The following AMBRA1 variants were observed in gnomAD, a reference collection of about 807,000 sequenced individuals.
AMBRA1 encodes the protein autophagy and beclin 1 regulator 1.
AMBRA1 carries 47 observed loss-of-function variants against 125.4 expected under a neutral mutation model. The observed-to-expected ratio is 0.37, with a 90% CI of 0.30 to 0.48. The LOEUF is 0.48. AMBRA1 is among the 20% of genes least tolerant of loss of function. The pLI is 0.99. For missense variants in AMBRA1, 1,331 were observed against 1,693.4 expected, an observed-to-expected ratio of 0.79 and a Z score of 3.76; for synonymous variants, 626 against 655.5, an observed-to-expected ratio of 0.95 and a Z score of 0.69.
At chr11:46,530,804 T>G (rs932152919) in intron 7 of AMBRA1, among the ~76,000 whole-genome samples, 3 of 152,260 alleles carry the variant, frequency 2.0e-5, no homozygotes, top group Non-Finnish European at 4.4e-5. Context: ...AAAGCATTTT[T>G]ATGACTCGTG....
At chr11:46,494,448 A>G (rs1436383032) in intron 9 of AMBRA1, 1 of 429,958 alleles carries the variant, frequency 2.3e-6, no homozygotes, top group Non-Finnish European at 4.3e-6. Flanking sequence ...TCTTGAGTTA[A>G]TGTGGTCCCT....
At chr11:46,532,503 C>T (rs1952263673) in intron 7 of AMBRA1, among the ~76,000 whole-genome samples, 1 of 152,212 alleles carries the variant, frequency 6.6e-6, no homozygotes, top group Non-Finnish European at 1.5e-5. Flanking sequence ...GTGGTGCGAT[C>T]TCAGCTCACT....
At chr11:46,426,606 G>GC (rs1305974703) in intron 14 of AMBRA1, among the ~76,000 whole-genome samples, 2 of 151,858 alleles carry the variant, frequency 1.3e-5, no homozygotes, top group East Asian at 1.9e-4. Flanking sequence ...TTTTTATCTT[G>GC]CCCCCCTCCC....
chr11:46,548,284 C>G lies in AMBRA1; in HGVS notation c.97G>C (p.Val33Leu). 1 of 1,614,154 alleles carries G rather than the reference C, an allele frequency of 6.2e-7. No individual in the cohort carries two copies. Among genetic ancestry groups the G allele is most frequent in the East Asian group, 2.2e-5 (1 of 44,880 alleles). Residue 33 changes from valine to leucine, a missense_variant, in exon 2 of 18, where the codon GTA (valine) becomes CTA (leucine). Val to Leu is a conservative substitution (Grantham distance 32). Coordinates refer to ENST00000683756, the MANE Select transcript of AMBRA1 (RefSeq NM_001387011.1). ...TTCATCCACCGGGTTTTATCTTCTA[C>G]CAGCTCCTGCAGAAGCCGCTGAGCT... Reference protein sequence around the residue: ...MGAQRLLQELVEDKTRWMKWE... With the variant: ...MGAQRLLQELLEDKTRWMKWE...
At chr11:46,527,130 T>C (rs1186899741) in intron 7 of AMBRA1, among the ~76,000 whole-genome samples, 1 of 152,136 alleles carries the variant, frequency 6.6e-6, no homozygotes, top group African/African-American at 2.4e-5. Context: ...CCTTTCAATG[T>C]AGAAAATGGT....
chr11:46,456,979 T>C (rs766263976), intron 11 of AMBRA1, among the ~76,000 whole-genome samples: 14 of 152,238 alleles, frequency 9.2e-5, no homozygotes, highest in Non-Finnish European at 1.6e-4. Flanking sequence ...ACCAACTCTT[T>C]TGTTAAAACT....
intron 1 of AMBRA1, among the ~76,000 whole-genome samples, chr11:46,572,001 T>C (rs1300550675): frequency 6.6e-6 from 1 of 152,064 alleles, no homozygotes; most frequent in African/African-American, 2.4e-5. Flanking sequence ...TCAATCAATA[T>C]CTTAAAAAGT....
chr11:46,529,663 T>A (rs575064439), intron 7 of AMBRA1, among the ~76,000 whole-genome samples: 1 of 152,316 alleles, frequency 6.6e-6, no homozygotes, highest in South Asian at 2.1e-4. Flanking sequence ...AAGGGGCTGC[T>A]GTCCTACTCA....
chr11:46,477,647 C>T (rs185371151), intron 11 of AMBRA1, among the ~76,000 whole-genome samples: 9 of 152,168 alleles, frequency 5.9e-5, no homozygotes, highest in Non-Finnish European at 1.0e-4. Context: ...TTTGAGGACA[C>T]GTCTTTATTG....
At chr11:46,582,524 G>A (rs1014449473) in intron 1 of AMBRA1, among the ~76,000 whole-genome samples, 1 of 152,074 alleles carries the variant, frequency 6.6e-6, no homozygotes, top group Non-Finnish European at 1.5e-5. Flanking sequence ...TTCCACTCTA[G>A]TCTCACTATA....
intron 12 of AMBRA1, among the ~76,000 whole-genome samples, chr11:46,440,115 A>G (rs941303250): frequency 2.0e-5 from 3 of 152,208 alleles, no homozygotes; most frequent in African/African-American, 7.2e-5. Context: ...TCCTAGAGAT[A>G]TACCTGCATA....
chr11:46,435,709 C>G (rs75748389), intron 12 of AMBRA1, among the ~76,000 whole-genome samples: 27,158 of 152,176 alleles, frequency 0.18, 2,631 homozygotes, highest in African/African-American at 0.25. Flanking sequence ...TCCATGACAG[C>G]CCTAGTCTGC....
chr11:46,432,365 G>T (rs1947496814), intron 14 of AMBRA1, among the ~76,000 whole-genome samples: 1 of 152,148 alleles, frequency 6.6e-6, no homozygotes, highest in African/African-American at 2.4e-5. Flanking sequence ...AGGTACCCTG[G>T]CAAGAAGGCA....
chr11:46,529,404 G>A (rs904045686), intron 7 of AMBRA1, among the ~76,000 whole-genome samples: 1 of 152,174 alleles, frequency 6.6e-6, no homozygotes, highest in African/African-American at 2.4e-5. Context: ...CCTACAGCAA[G>A]CAGGGGGAGC....
At chr11:46,402,345 T>C (rs973451435) in intron 17 of AMBRA1, among the ~76,000 whole-genome samples, 2 of 152,138 alleles carry the variant, frequency 1.3e-5, no homozygotes, top group African/African-American at 2.4e-5. Context: ...TAACTGCCCA[T>C]TGTGGGAGAA....
intron 11 of AMBRA1, among the ~76,000 whole-genome samples, chr11:46,488,613 C>A (rs73467917): frequency 1.3e-5 from 2 of 151,894 alleles, no homozygotes; most frequent in African/African-American, 4.8e-5. Flanking sequence ...TAGATTTAAC[C>A]GACATCTACA....
chr11:46,567,586 CCT>C (rs1185816238), intron 1 of AMBRA1, among the ~76,000 whole-genome samples: 2 of 151,912 alleles, frequency 1.3e-5, no homozygotes, highest in Non-Finnish European at 2.9e-5. Context: ...GTCTCGAACT[CCT>C]GGCCTCAAGT....
chr11:46,537,626 G>C (rs1001634146), intron 7 of AMBRA1, among the ~76,000 whole-genome samples: 1 of 152,132 alleles, frequency 6.6e-6, no homozygotes, highest in Non-Finnish European at 1.5e-5. Context: ...GCAATGTAGC[G>C]TCAGACTATT....
intron 1 of AMBRA1, among the ~76,000 whole-genome samples, chr11:46,581,605 CA>C (rs1036795486): frequency 1.2e-4 from 18 of 151,388 alleles, no homozygotes; most frequent in African/African-American, 4.1e-4. Flanking sequence ...GACTTCCTCT[CA>C]AAAAATAAAT....
Sources: allele counts gnomAD v4.1 joint callset (sites outside exome capture counted in the v4.1 genomes callset), GRCh38; gene constraint gnomAD v4.1.1; transcripts MANE v1.5; gene names NCBI Gene and HGNC (gene_info 2026-07-23, HGNC 2026-07-21).